Variants in ZAR1L observed in about 807,000 individuals in gnomAD.
ZAR1L encodes zygote arrest 1 like, also known as protein ZAR1-like.
A neutral mutation model predicts 30.0 loss-of-function variants in ZAR1L; 16 were observed. That is an observed-to-expected ratio of 0.53 (90% CI 0.36 to 0.81). The LOEUF (loss-of-function observed/expected upper bound fraction) is 0.81. Ranked by LOEUF, ZAR1L falls within the 30% of genes least tolerant of loss-of-function variation. ZAR1L has a pLI of 0.00. For synonymous variants in ZAR1L, 197 were observed against 166.8 expected, an observed-to-expected ratio of 1.18 and a Z score of -1.40; for missense variants, 392 against 417.2, an observed-to-expected ratio of 0.94 and a Z score of 0.53.
intron 4 of ZAR1L, 42 bp from the exon 5 acceptor site, chr13:32,308,802 A>AGTG: frequency 7.5e-7 from 1 of 1,330,338 alleles, no homozygotes. Context: ...GCTTTTATAC[A>AGTG]CACCCACACC....
At chr13:32,313,803 A>T (rs2072230430) in intron 2 of ZAR1L, among the ~76,000 whole-genome samples, 1 of 152,270 alleles carries the variant, frequency 6.6e-6, no homozygotes, top group African/African-American at 2.4e-5. Context: ...CCTGGTACAA[A>T]GAGAACAAGA....
At chr13:32,308,992 ATTT>A (rs35160937) in intron 4 of ZAR1L, among the ~76,000 whole-genome samples, 3 of 144,560 alleles carry the variant, frequency 2.1e-5, no homozygotes, top group African/African-American at 5.1e-5. Flanking sequence ...ATTGGAATAC[ATTT>A]TTTTTTTTTT....
intron 5 of ZAR1L, among the ~76,000 whole-genome samples, chr13:32,307,095 C>T (rs189129350): frequency 1.9e-3 from 294 of 152,042 alleles, no homozygotes; most frequent in African/African-American, 6.8e-3. Flanking sequence ...TAAATGAATA[C>T]TGACTATACA....
rs1385571505 is a variant in ZAR1L at position 32,308,776 on chromosome 13, T to G, written c.748-16A>C. ...TGAAATAAACCTAAAGAGAAATATG[T>G]TTTTTTTTAATACAAGCTTTTATAC... On this transcript the variant is annotated splice_polypyrimidine_tract_variant and intron_variant, in intron 4 of 5. Coordinates refer to ENST00000533490, the MANE Select transcript of ZAR1L (RefSeq NM_001136571.2). The G allele has an allele frequency of 2.9e-6, 4 of 1,400,136 alleles. No individual in the cohort carries two copies. Among genetic ancestry groups the G allele is most frequent in the Non-Finnish European group, 3.8e-6 (4 of 1,056,662 alleles). The allele number at this position is 1,400,136 out of a possible 1,614,324, so 86.7% of individuals were successfully genotyped here. A position where few individuals can be genotyped will look rare whatever the true frequency, so the allele number is the denominator to read the frequency against.
Position 32,311,590 on chromosome 13 carries a change from G to A in ZAR1L, c.336C>T (p.Leu112=), listed in dbSNP as rs1593876419. Residue 112 remains leucine, a synonymous_variant, in exon 3 of 6, where the codon CTC becomes CTT. Transcript: ENST00000533490. Reference sequence around the variant, plus strand: ...TGCCGTCCCAGGGGGAGCAGCTGCTGAGGGTGCGAGGCCCCAGAGAGCACT... The same window carrying A: ...TGCCGTCCCAGGGGGAGCAGCTGCTAAGGGTGCGAGGCCCCAGAGAGCACT... ...AVQCSLGPRT[L]SSCSPWDGRD... The A allele has an allele frequency of 1.9e-6, 3 of 1,544,008 alleles. No homozygotes were observed. The highest frequency in any genetic ancestry group is 2.6e-6 in the Non-Finnish European group (3 of 1,142,948).
chr13:32,314,587 A>C (rs967505061), intron 1 of ZAR1L, 37 bp from the exon 2 acceptor site: 2 of 152,414 alleles, frequency 1.3e-5, no homozygotes, highest in Non-Finnish European at 1.5e-5. Flanking sequence ...GTGGTGGCTC[A>C]TGCCTGTAAT....
intron 5 of ZAR1L, among the ~76,000 whole-genome samples, chr13:32,308,018 G>A (rs1338410424): frequency 6.6e-6 from 1 of 152,102 alleles, no homozygotes; most frequent in Non-Finnish European, 1.5e-5. Flanking sequence ...GGCCAGGCTG[G>A]TCTCGAACTC....
chr13:32,311,350 G>T lies in ZAR1L; in HGVS notation c.576C>A (p.Ala192=), dbSNP rs1293577365. The change falls in exon 3 of 6, where the codon GCC becomes GCA. Residue 192 remains alanine, a synonymous_variant. Coordinates refer to ENST00000533490, the MANE Select transcript of ZAR1L (RefSeq NM_001136571.2). ...GQLEESGEKD[A]PCPQETKSKQ... is the part of the protein sequence containing the mutation. ...TGCTCTTCGTCTCCTGAGGGCACGG[G>T]GCGTCTTTCTCCCCCGATTCCTCCA... 2 of 1,551,026 alleles carry T rather than the reference G, an allele frequency of 1.3e-6. No individual in the cohort carries two copies. The highest frequency in any genetic ancestry group is 2.4e-5 in the South Asian group (2 of 84,060).
intron 5 of ZAR1L, among the ~76,000 whole-genome samples, chr13:32,307,589 CA>C (rs1362343752): frequency 8.9e-5 from 12 of 134,336 alleles, no homozygotes; most frequent in African/African-American, 2.8e-5. Context: ...TGGTAACCAT[CA>C]AAAGGACATT....
chr13:32,311,419 T>C lies in ZAR1L; in HGVS notation c.507A>G (p.Pro169=), dbSNP rs975602290. ...GCCTGTCAGCTCCTGACCTCCGTGA[T>C]GGTGGCTGCGGCTGGCTGGCCTCCG... ...GPAEASQPQP[P]SRRSGADRQE... Residue 169 remains proline (P), a synonymous_variant, in exon 3 of 6, where the codon CCA becomes CCG. Coordinates refer to ENST00000533490, the MANE Select transcript of ZAR1L (RefSeq NM_001136571.2). 4 of 1,549,902 alleles carry C rather than the reference T, an allele frequency of 2.6e-6. No individual in the cohort carries two copies. Among genetic ancestry groups the C allele is most frequent in the Admixed American group, 3.9e-5 (2 of 51,008 alleles).
chr13:32,310,515 C>G (rs1036645963), intron 4 of ZAR1L, 124 bp downstream of exon 4: 2 of 688,772 alleles, frequency 2.9e-6, no homozygotes, highest in Non-Finnish European at 5.0e-6. Flanking sequence ...ACACCTGGCA[C>G]GGGGGATGCC....
At chr13:32,304,099 T>C in intron 5 of ZAR1L, 77 bp from the exon 6 acceptor site, 3 of 1,440,846 alleles carry the variant, frequency 2.1e-6, no homozygotes, top group Non-Finnish European at 2.8e-6. Context: ...ATCACAGTAC[T>C]TCTCCCTATT....
chr13:32,307,570 T>A (rs2072185556), intron 5 of ZAR1L, among the ~76,000 whole-genome samples: 1 of 148,512 alleles, frequency 6.7e-6, no homozygotes, highest in Non-Finnish European at 1.5e-5. Flanking sequence ...GACAGTCATG[T>A]TATTTCTATG....
chr13:32,307,689 C>T (rs572078416), intron 5 of ZAR1L, among the ~76,000 whole-genome samples: 54 of 151,958 alleles, frequency 3.6e-4, no homozygotes, highest in African/African-American at 1.3e-3. Context: ...AAAGAAAATA[C>T]ATTTAAACCC....
intron 5 of ZAR1L, among the ~76,000 whole-genome samples, chr13:32,306,988 A>G (rs544487009): frequency 6.6e-6 from 1 of 150,746 alleles, no homozygotes; most frequent in East Asian, 2.0e-4. Context: ...TCACCTCCAG[A>G]CCAATACTAT....
At chr13:32,311,168 T>A in intron 3 of ZAR1L, 104 bp downstream of exon 3, 3 of 1,279,710 alleles carry the variant, frequency 2.3e-6, no homozygotes, top group Non-Finnish European at 3.1e-6. Context: ...ACCAAGTACA[T>A]GGAAGAAGAG....
Position 32,311,422 on chromosome 13 carries a change from T to G in ZAR1L, c.504A>C (p.Pro168=). The G allele has an allele frequency of 6.5e-7, 1 of 1,549,312 alleles. No homozygotes were observed. Among genetic ancestry groups the G allele is most frequent in the Non-Finnish European group, 8.7e-7 (1 of 1,146,894 alleles). The change falls in exon 3 of 6, where the codon CCA becomes CCC. Residue 168 remains proline, a synonymous_variant. Coordinates refer to ENST00000533490, the MANE Select transcript of ZAR1L (RefSeq NM_001136571.2). ...PGPAEASQPQ[P]PSRRSGADRQ... is the part of the protein sequence containing the mutation. ...TGTCAGCTCCTGACCTCCGTGATGGTGGCTGCGGCTGGCTGGCCTCCGCAG... is the reference window on the plus strand; with the variant it reads ...TGTCAGCTCCTGACCTCCGTGATGGGGGCTGCGGCTGGCTGGCCTCCGCAG...
chr13:32,310,613 T>G, intron 4 of ZAR1L, 26 bp downstream of exon 4: 1 of 1,473,958 alleles, frequency 6.8e-7, no homozygotes, highest in Non-Finnish European at 9.3e-7. Context: ...CCCATCCTCC[T>G]CTCACCTCCT....
chr13:32,306,941 A>T (rs2072180258), intron 5 of ZAR1L, among the ~76,000 whole-genome samples: 1 of 150,564 alleles, frequency 6.6e-6, no homozygotes. Flanking sequence ...AAAAAAAAAA[A>T]AAAAAAAAAA....
Sources: gnomAD v4.1 joint callset for allele counts (sites outside exome capture counted in the v4.1 genomes callset) on GRCh38, gnomAD v4.1.1 for gene constraint, MANE v1.5 for transcripts, NCBI Gene and HGNC (gene_info 2026-07-23, HGNC 2026-07-21) for gene names.